RAPGEF6: variants seen among roughly 807,000 people sequenced by gnomAD.
The protein encoded by RAPGEF6 is Rap guanine nucleotide exchange factor 6, also known as PDZ domain containing guanine nucleotide exchange factor (GEF) 2.
RAPGEF6 carries 56 observed loss-of-function variants against 171.4 expected under a neutral mutation model. The observed-to-expected ratio is 0.33, with a 90% confidence interval of 0.26 to 0.41. The LOEUF (loss-of-function observed/expected upper bound fraction) is 0.41. Among genes scored for constraint, RAPGEF6 ranks in the 10% least tolerant of loss-of-function variants. The pLI is 1.00. For synonymous variants in RAPGEF6, 692 were observed against 650.1 expected, an observed-to-expected ratio of 1.06 and a Z score of -0.98; for missense variants, 1,674 against 1,921.4, an observed-to-expected ratio of 0.87 and a Z score of 2.41.
intron 21 of RAPGEF6, chr5:131,450,164 AG>A: frequency 1.8e-6 from 2 of 1,139,170 alleles, no homozygotes; most frequent in Non-Finnish European, 2.5e-6. Context: ...ACATTTTATC[AG>A]GAAAAAATTA....
rs1753563643 is a variant in RAPGEF6, at chr5:131,457,091, T to C, written c.2865-1079A>G. On this transcript the variant is annotated intron_variant, in intron 19 of 27. Coordinates refer to ENST00000509018, the MANE Select transcript of RAPGEF6 (RefSeq NM_016340.6). ...TTATTTATTTATTTGAGACACAGTC[T>C]TGCTCTGTTGCCCAGGCTGGAGTGC... is the stretch of plus-strand genomic sequence containing the variant. Among the ~76,000 whole-genome samples, 4 of 152,322 alleles carry C rather than the reference T, an allele frequency of 2.6e-5. 1 individual carries two copies. In the South Asian group the frequency reaches 8.3e-4, roughly 32 times the overall value.
At chr5:131,444,535 G>C (rs961063116) in intron 22 of RAPGEF6, among the ~76,000 whole-genome samples, 1 of 152,176 alleles carries the variant, frequency 6.6e-6, no homozygotes, top group African/African-American at 2.4e-5. Flanking sequence ...GCTTCGGATA[G>C]TGACTATTTA....
intron 12 of RAPGEF6, among the ~76,000 whole-genome samples, chr5:131,497,386 T>A (rs1181996430): frequency 6.6e-6 from 1 of 152,212 alleles, no homozygotes; most frequent in Admixed American, 6.5e-5. Context: ...ATCTCTTTTT[T>A]CTTTTGTTGC....
intron 3 of RAPGEF6, among the ~76,000 whole-genome samples, chr5:131,594,420 T>C (rs957533010): frequency 6.6e-6 from 1 of 152,230 alleles, no homozygotes; most frequent in African/African-American, 2.4e-5. Context: ...TGGAAATGCC[T>C]GGATGTCCAG....
intron 6 of RAPGEF6, among the ~76,000 whole-genome samples, chr5:131,526,648 G>C (rs1305387921): frequency 6.6e-6 from 1 of 152,072 alleles, no homozygotes; most frequent in African/African-American, 2.4e-5. Flanking sequence ...CAGCTTACCT[G>C]CCCTTTCTCT....
intron 3 of RAPGEF6, 32 bp downstream of exon 3, chr5:131,603,239 C>T (rs1383876223): frequency 2.8e-6 from 4 of 1,452,984 alleles, no homozygotes; most frequent in Non-Finnish European, 2.8e-6. Context: ...ACATAAAAGT[C>T]ATTAGTTTAT....
At chr5:131,442,327 A>C (rs1293851121) in intron 23 of RAPGEF6, 22 bp downstream of exon 23, 3 of 1,566,618 alleles carry the variant, frequency 1.9e-6, no homozygotes, top group Admixed American at 3.7e-5. Context: ...AAACGGATGT[A>C]ATATTAATGG....
chr5:131,469,759 C>A (rs767291642), intron 17 of RAPGEF6: 3 of 1,382,580 alleles, frequency 2.2e-6, no homozygotes, highest in African/African-American at 2.9e-5. Flanking sequence ...ATAATACATA[C>A]AAACAAGGGC....
intron 1 of RAPGEF6, among the ~76,000 whole-genome samples, chr5:131,625,570 T>C (rs1250102965): frequency 1.3e-5 from 2 of 151,810 alleles, no homozygotes; most frequent in East Asian, 2.0e-4. Context: ...AATCCCAGCA[T>C]TTTGGGAGGC....
chr5:131,509,623 C>T (rs1031595274), intron 8 of RAPGEF6, among the ~76,000 whole-genome samples: 17 of 152,110 alleles, frequency 1.1e-4, no homozygotes, highest in African/African-American at 4.1e-4. Flanking sequence ...AAAAAATCTG[C>T]AAGTTTTTCA....
chr5:131,437,230 A>G (rs907294415), intron 24 of RAPGEF6, among the ~76,000 whole-genome samples: 2 of 152,252 alleles, frequency 1.3e-5, no homozygotes, highest in African/African-American at 4.8e-5. Context: ...CGAGAAGCTC[A>G]CAAACCTATA....
At chr5:131,472,817 G>A in intron 16 of RAPGEF6, 73 bp from the exon 17 acceptor site, 1 of 1,305,428 alleles carries the variant, frequency 7.7e-7, no homozygotes, top group Non-Finnish European at 1.1e-6. Flanking sequence ...TGTTCCCTGT[G>A]CACTAAGGCA....
intron 21 of RAPGEF6, among the ~76,000 whole-genome samples, chr5:131,449,446 C>G (rs2149819681): frequency 6.6e-6 from 1 of 152,278 alleles, no homozygotes; most frequent in East Asian, 1.9e-4. Context: ...TAAGGGCTGC[C>G]TCTTTTTAGA....
At chr5:131,459,719 A>G (rs1459444637) in intron 19 of RAPGEF6, among the ~76,000 whole-genome samples, 1 of 152,192 alleles carries the variant, frequency 6.6e-6, no homozygotes, top group Non-Finnish European at 1.5e-5. Context: ...ATAATCTCCA[A>G]GATAAATTAA....
intron 1 of RAPGEF6, among the ~76,000 whole-genome samples, chr5:131,610,517 C>T (rs1258819759): frequency 6.6e-6 from 1 of 152,170 alleles, no homozygotes; most frequent in Non-Finnish European, 1.5e-5. Flanking sequence ...CTTTACCTCA[C>T]TGTAACTGTA....
intron 11 of RAPGEF6, among the ~76,000 whole-genome samples, chr5:131,504,248 G>A (rs1411099328): frequency 3.3e-5 from 5 of 152,056 alleles, no homozygotes; most frequent in Non-Finnish European, 5.9e-5. Context: ...AGGATCACAG[G>A]GTCAGGAGTT....
At chr5:131,498,695 A>G in intron 11 of RAPGEF6, 88 bp from the exon 12 acceptor site, 1 of 1,171,182 alleles carries the variant, frequency 8.5e-7, no homozygotes, top group East Asian at 2.4e-5. Flanking sequence ...CTTTGTAGCT[A>G]CTCCATTAGA....
chr5:131,633,613 C>T (rs768381013), intron 1 of RAPGEF6, among the ~76,000 whole-genome samples: 1 of 151,772 alleles, frequency 6.6e-6, no homozygotes, highest in Non-Finnish European at 1.5e-5. Flanking sequence ...TGCCTGTAAT[C>T]CCAGCTACTC....
intron 4 of RAPGEF6, among the ~76,000 whole-genome samples, chr5:131,580,868 A>C (rs1762920316): frequency 6.6e-6 from 1 of 152,116 alleles, no homozygotes; most frequent in African/African-American, 2.4e-5. Flanking sequence ...GGGCACATGT[A>C]CTCTAGTCTT....
Sources: gnomAD v4.1 joint callset for allele counts (sites outside exome capture counted in the v4.1 genomes callset) on GRCh38, gnomAD v4.1.1 for gene constraint, MANE v1.5 for transcripts, NCBI Gene and HGNC (gene_info 2026-07-23, HGNC 2026-07-21) for gene names.